Variants in DMD observed in about 807,000 individuals in gnomAD.
DMD encodes dystrophin.
A neutral mutation model predicts 330.1 loss-of-function variants in DMD; 63 were observed. That is an observed-to-expected ratio of 0.19 (90% CI 0.16 to 0.24). The LOEUF (loss-of-function observed/expected upper bound fraction) is 0.24, where lower values mean the gene tolerates loss of function less well. DMD is among the 10% of genes least tolerant of loss of function. The pLI, the probability that DMD is intolerant of heterozygous loss-of-function variation, is 1.00. For missense variants in DMD, 3,344 were observed against 2,684.1 expected (o/e 1.25, Z -5.43); for synonymous variants, 1,223 against 959.8 (o/e 1.27, Z -5.07).
intron 43 of DMD, among the ~76,000 whole-genome samples, chrX:32,263,879 A>T (rs1056442629): frequency 2.7e-5 from 3 of 111,964 alleles, no homozygotes; most frequent in Non-Finnish European, 5.6e-5. Context: ...AAAATATTTT[A>T]TATATTTGAC....
intron 44 of DMD, among the ~76,000 whole-genome samples, chrX:31,973,860 A>G (rs1207044960): frequency 9.0e-6 from 1 of 111,662 alleles, no homozygotes; most frequent in African/African-American, 3.3e-5. Flanking sequence ...CTTCTCTTGA[A>G]CAGAAAATAC....
At chrX:32,797,809 T>TA (rs1212609852) in intron 7 of DMD, among the ~76,000 whole-genome samples, 1,365 of 105,455 alleles carry the variant, frequency 0.013, 9 homozygotes, top group Non-Finnish European at 0.018. Flanking sequence ...CACCTGTAAT[T>TA]AAAAAAAAAA....
intron 2 of DMD, among the ~76,000 whole-genome samples, chrX:32,972,044 T>C (rs938311822): frequency 2.7e-5 from 3 of 111,887 alleles, no homozygotes; most frequent in African/African-American, 6.5e-5. Context: ...GGATGTTACA[T>C]TCAGGGGCCT....
intron 49 of DMD, among the ~76,000 whole-genome samples, chrX:31,827,934 C>T (rs1228609613): frequency 4.5e-5 from 5 of 111,773 alleles, no homozygotes; most frequent in African/African-American, 1.6e-4. Context: ...GAGGAAAGTT[C>T]ATAGTGTTAA....
At chrX:31,839,500 T>C (rs1372946485) in intron 48 of DMD, among the ~76,000 whole-genome samples, 1 of 112,259 alleles carries the variant, frequency 8.9e-6, no homozygotes, top group Non-Finnish European at 1.9e-5. Context: ...AATAATCTGC[T>C]AGAGTTAAAT....
At chrX:32,217,542 A>G (rs1320888935) in intron 43 of DMD, among the ~76,000 whole-genome samples, 3 of 111,345 alleles carry the variant, frequency 2.7e-5, no homozygotes, top group African/African-American at 9.8e-5. Flanking sequence ...CTGTTCATCA[A>G]CTGAAAGGAG....
chrX:31,208,623 A>C (rs1482571055), intron 65 of DMD, among the ~76,000 whole-genome samples: 3 of 111,900 alleles, frequency 2.7e-5, no homozygotes, highest in Admixed American at 1.9e-4. Flanking sequence ...AGAAAGAAAA[A>C]AAGGTATAAA....
chrX:32,689,181 T>C lies in DMD; in HGVS notation c.960+8689A>G, dbSNP rs1161227782. 2.7e-5 allele frequency among the ~76,000 whole-genome samples: 3 copies of C among 111,405 alleles called. No individual in the cohort carries two copies. The Admixed American group carries it at 2.9e-4, about 11-fold the overall frequency. On this transcript the variant is annotated intron_variant, in intron 9 of 78. Transcript: ENST00000357033. ...ATGAGGGCTTTACCTTAAATAACTT[T>C]TTGTTTTTAAGTTACTTACACTAAA...
chrX:31,678,076 T>C (rs1302896541), intron 53 of DMD, among the ~76,000 whole-genome samples: 1 of 112,260 alleles, frequency 8.9e-6, no homozygotes, highest in Non-Finnish European at 1.9e-5. Flanking sequence ...GGACAGCTCC[T>C]AAGAATGGCT....
chrX:32,465,556 G>A (rs1375706893), intron 23 of DMD, among the ~76,000 whole-genome samples: 2 of 45,154 alleles, frequency 4.4e-5, no homozygotes, highest in African/African-American at 5.6e-5. Flanking sequence ...TCCTTGTTCA[G>A]GTCTTTTTTT....
intron 44 of DMD, among the ~76,000 whole-genome samples, chrX:32,179,525 AG>A (rs997576167): frequency 8.9e-6 from 1 of 112,565 alleles, no homozygotes; most frequent in Non-Finnish European, 1.9e-5. Flanking sequence ...TAGGACCATA[AG>A]AAATAAACAC....
intron 9 of DMD, among the ~76,000 whole-genome samples, chrX:32,658,871 G>C (rs147869986): frequency 0.029 from 3,196 of 111,774 alleles, 121 homozygotes; most frequent in African/African-American, 0.096. Context: ...TCAGGTTCTG[G>C]AATTTATAGG....
chrX:33,303,945 G>T (rs1352144270), intron 1 of DMD, among the ~76,000 whole-genome samples: 2 of 110,847 alleles, frequency 1.8e-5, no homozygotes, highest in African/African-American at 6.6e-5. Context: ...AATGTCTTTT[G>T]TTTCCTCTCT....
intron 2 of DMD, among the ~76,000 whole-genome samples, chrX:32,962,358 A>G (rs1018034585): frequency 1.5e-4 from 17 of 111,899 alleles, no homozygotes; most frequent in African/African-American, 5.5e-4. Flanking sequence ...GTAGATCTAT[A>G]TGCCCTTTCA....
chrX:31,630,591 G>T (rs1428146873), intron 54 of DMD, among the ~76,000 whole-genome samples: 1 of 111,118 alleles, frequency 9.0e-6, no homozygotes, highest in African/African-American at 3.3e-5. Flanking sequence ...CATTCAACAT[G>T]CTCTAAATGT....
intron 50 of DMD, among the ~76,000 whole-genome samples, chrX:31,795,143 G>A (rs777159558): frequency 9.9e-5 from 11 of 111,102 alleles, no homozygotes; most frequent in African/African-American, 2.9e-4. Context: ...AAGTTTCTAC[G>A]GAATCCATCC....
At chrX:32,034,204 T>A (rs1217883495) in intron 44 of DMD, among the ~76,000 whole-genome samples, 1 of 112,034 alleles carries the variant, frequency 8.9e-6, no homozygotes, top group Non-Finnish European at 1.9e-5. Flanking sequence ...TGTTTCTTTA[T>A]TTCTGGCAAT....
At chrX:33,219,431 T>C (rs1249681038) in intron 1 of DMD, among the ~76,000 whole-genome samples, 1 of 102,691 alleles carries the variant, frequency 9.7e-6, no homozygotes, top group Non-Finnish European at 2.0e-5. Context: ...ACCTTGTGAG[T>C]TCATTTTTAA....
intron 44 of DMD, among the ~76,000 whole-genome samples, chrX:32,081,201 A>G (rs1246338338): frequency 8.9e-6 from 1 of 112,086 alleles, no homozygotes; most frequent in African/African-American, 3.2e-5. Flanking sequence ...AGCTCCCCTT[A>G]AAGTACAGCT....
Sources: allele counts gnomAD v4.1 joint callset (sites outside exome capture counted in the v4.1 genomes callset), GRCh38; gene constraint gnomAD v4.1.1; transcripts MANE v1.5; gene names NCBI Gene and HGNC (gene_info 2026-07-23, HGNC 2026-07-21).